Variants in SIPA1L1 observed in about 807,000 individuals in gnomAD.
SIPA1L1 encodes the protein signal induced proliferation associated 1 like 1.
In SIPA1L1, 26 loss-of-function variants were observed where a neutral mutation model predicts 162.7. That is an observed-to-expected ratio of 0.16 (90% CI 0.12 to 0.22). The LOEUF (loss-of-function observed/expected upper bound fraction) is 0.22, where lower values mean the gene tolerates loss of function less well. Ranked by LOEUF, SIPA1L1 falls within the 10% of genes least tolerant of loss-of-function variation. SIPA1L1 has a pLI of 1.00. For missense variants in SIPA1L1, 1,874 were observed against 2,241.0 expected (o/e 0.84, Z 3.31); for synonymous variants, 829 against 837.4 (o/e 0.99, Z 0.17).
In SIPA1L1 at chr14:71,679,403, C is replaced by G. The variant is rs533513307; in HGVS notation, c.3105-5959C>G. Among the ~76,000 whole-genome samples the G allele has an allele frequency of 1.0e-3, 154 of 152,250 alleles. 3 individuals are homozygous for G. The highest frequency in any genetic ancestry group is 3.5e-3 in the African/African-American group (146 of 41,538). ...AAATGCTGAGAGATTTTGTCACCAC[C>G]AGGCCTGCCCTACAAGAGCTCCTGA... On this transcript the variant is annotated intron_variant, in intron 12 of 23. Coordinates refer to ENST00000381232, the MANE Select transcript of SIPA1L1 (RefSeq NM_001386936.1).
chr14:71,370,260 T>G (rs1320114520), intron 2 of SIPA1L1, among the ~76,000 whole-genome samples: 1 of 151,450 alleles, frequency 6.6e-6, no homozygotes, highest in Non-Finnish European at 1.5e-5. Flanking sequence ...AGGGAATGCT[T>G]CCAGTTTTTG....
chr14:71,530,938 C>A (rs80075368), intron 4 of SIPA1L1, among the ~76,000 whole-genome samples: 165 of 152,300 alleles, frequency 1.1e-3, no homozygotes, highest in African/African-American at 3.8e-3. Context: ...TTCTTAGGTA[C>A]TTGTGAAAAG....
At chr14:71,611,895 T>G (rs1023650968) in intron 5 of SIPA1L1, among the ~76,000 whole-genome samples, 1 of 152,236 alleles carries the variant, frequency 6.6e-6, no homozygotes, top group African/African-American at 2.4e-5. Flanking sequence ...ATGAAAATAT[T>G]AAACTGATGA....
intron 7 of SIPA1L1, among the ~76,000 whole-genome samples, chr14:71,641,375 A>G (rs2041696342): frequency 6.6e-6 from 1 of 152,206 alleles, no homozygotes; most frequent in South Asian, 2.1e-4. Flanking sequence ...AGATGGAAAA[A>G]TACCTTTAAA....
rs1273124763 is a variant in SIPA1L1, at chr14:71,709,546, G to T, written c.4090G>T (p.Asp1364Tyr). Reference sequence around the variant, plus strand: ...TTTGGAGACAGAGAGCCACGGCCTGGACCGGAAAACAGAGTCTTCCCTGAG... The same window carrying T: ...TTTGGAGACAGAGAGCCACGGCCTGTACCGGAAAACAGAGTCTTCCCTGAG... ...RTLETESHGL[D>Y]RKTESSLSLD... is the part of the protein sequence containing the mutation. The change falls in exon 17 of 24, where the codon GAC becomes TAC. Residue 1364 changes from aspartate (D) to tyrosine (Y), a missense_variant. Coordinates refer to ENST00000381232, the MANE Select transcript of SIPA1L1 (RefSeq NM_001386936.1). 3 of 1,614,060 alleles carry T rather than the reference G, an allele frequency of 1.9e-6. No homozygotes were observed. Among genetic ancestry groups the T allele is most frequent in the Non-Finnish European group, 2.5e-6 (3 of 1,180,042 alleles).
intron 5 of SIPA1L1, among the ~76,000 whole-genome samples, chr14:71,597,211 G>A (rs1018683472): frequency 1.1e-4 from 16 of 152,016 alleles, no homozygotes; most frequent in Admixed American, 7.2e-4. Context: ...CAAACTCCTG[G>A]GCTCAAGCAA....
intron 3 of SIPA1L1, among the ~76,000 whole-genome samples, chr14:71,517,976 A>G (rs112050499): frequency 6.6e-6 from 1 of 152,094 alleles, no homozygotes; most frequent in Non-Finnish European, 1.5e-5. Context: ...TTATTTTAAC[A>G]TAGAATGAGG....
At chr14:71,337,338 A>G (rs556875217) in intron 2 of SIPA1L1, among the ~76,000 whole-genome samples, 38 of 152,290 alleles carry the variant, frequency 2.5e-4, no homozygotes, top group Admixed American at 8.5e-4. Flanking sequence ...TAATCTCAGC[A>G]CTTTGGGAGG....
chr14:71,609,261 A>G (rs1393042512), intron 5 of SIPA1L1, among the ~76,000 whole-genome samples: 1 of 151,950 alleles, frequency 6.6e-6, no homozygotes, highest in Non-Finnish European at 1.5e-5. Context: ...TCTCCTTGGA[A>G]TAAATTTTTA....
chr14:71,447,562 AT>A (rs61686460), intron 2 of SIPA1L1, among the ~76,000 whole-genome samples: 52,253 of 127,652 alleles, frequency 0.41, 9,225 homozygotes, highest in African/African-American at 0.52. Context: ...TGTACTGTGG[AT>A]TTTTTTTTTT....
chr14:71,545,202 G>C (rs1043364652), intron 4 of SIPA1L1, among the ~76,000 whole-genome samples: 2 of 151,894 alleles, frequency 1.3e-5, no homozygotes, highest in Non-Finnish European at 2.9e-5. Context: ...TAGATCCTTT[G>C]AATATCCCTG....
At chr14:71,662,699 A>G (rs530562924) in intron 10 of SIPA1L1, among the ~76,000 whole-genome samples, 3 of 152,304 alleles carry the variant, frequency 2.0e-5, no homozygotes, top group South Asian at 2.1e-4. Context: ...TGCTGAGCCT[A>G]GGTGAACACC....
intron 4 of SIPA1L1, among the ~76,000 whole-genome samples, chr14:71,564,214 G>A (rs1259471468): frequency 2.6e-5 from 4 of 151,988 alleles, no homozygotes; most frequent in African/African-American, 9.7e-5. Flanking sequence ...CTCCCAATGT[G>A]CTTAGATTAC....
At chr14:71,358,616 CT>C (rs1177700564) in intron 2 of SIPA1L1, among the ~76,000 whole-genome samples, 1 of 152,198 alleles carries the variant, frequency 6.6e-6, no homozygotes, top group Non-Finnish European at 1.5e-5. Context: ...ACAGCCTGTC[CT>C]TTTTCTTTGC....
intron 2 of SIPA1L1, among the ~76,000 whole-genome samples, chr14:71,367,256 T>C (rs2038386140): frequency 6.6e-6 from 1 of 152,014 alleles, no homozygotes; most frequent in Non-Finnish European, 1.5e-5. Flanking sequence ...ACGTTTAGCC[T>C]GTTTCTAATT....
chr14:71,512,384 C>A (rs755746170), intron 2 of SIPA1L1, among the ~76,000 whole-genome samples: 23 of 151,918 alleles, frequency 1.5e-4, no homozygotes, highest in Admixed American at 3.3e-4. Flanking sequence ...GTCAGGAGAT[C>A]GAGACCATCC....
chr14:71,362,903 A>G (rs530013556), intron 2 of SIPA1L1, among the ~76,000 whole-genome samples: 2 of 152,342 alleles, frequency 1.3e-5, no homozygotes, highest in African/African-American at 4.8e-5. Flanking sequence ...GAATTTTTTG[A>G]AAAGTGGCAA....
chr14:71,679,941 T>G (rs1415992174), intron 12 of SIPA1L1, among the ~76,000 whole-genome samples: 1 of 152,132 alleles, frequency 6.6e-6, no homozygotes, highest in Admixed American at 6.5e-5. Context: ...AGCAAGTCCT[T>G]AGAGACCTAC....
At position 71,501,413 on chromosome 14, in the gene SIPA1L1, A is replaced by T. The variant is rs527259820; in HGVS notation, c.-464-11330A>T. Among the ~76,000 whole-genome samples, 5 of 152,334 alleles carry T rather than the reference A, an allele frequency of 3.3e-5. No homozygotes were observed. The South Asian group carries it at 1.0e-3, about 32-fold the overall frequency. On this transcript the variant is annotated intron_variant, in intron 2 of 23. Transcript: ENST00000381232. ...TATTTTGCTTTCCATAGCAACAAAG[A>T]TGAAGTTCACAATGTGAAACAAAAG...
Sources: gnomAD v4.1 joint callset for allele counts (sites outside exome capture counted in the v4.1 genomes callset) on GRCh38, gnomAD v4.1.1 for gene constraint, MANE v1.5 for transcripts, NCBI Gene and HGNC (gene_info 2026-07-23, HGNC 2026-07-21) for gene names.